Variants in AGK observed in about 807,000 individuals in gnomAD.
AGK encodes the protein acylglycerol kinase.
A neutral mutation model predicts 66.4 loss-of-function variants in AGK; 52 were observed. That is an observed-to-expected ratio of 0.78 (90% CI 0.63 to 0.99). AGK has a LOEUF of 0.99. Ranked by LOEUF, AGK falls within the 50% of genes least tolerant of loss-of-function variation. The pLI is 0.00. For missense variants in AGK, 451 were observed against 506.6 expected, an observed-to-expected ratio of 0.89 and a Z score of 1.05; for synonymous variants, 182 against 181.1, an observed-to-expected ratio of 1.00 and a Z score of -0.04.
chr7:141,574,011 G>A (rs1795675836), intron 2 of AGK, among the ~76,000 whole-genome samples: 1 of 151,836 alleles, frequency 6.6e-6, no homozygotes, highest in South Asian at 2.1e-4. Flanking sequence ...ATATATATTT[G>A]TTTATAATTG....
intron 8 of AGK, among the ~76,000 whole-genome samples, chr7:141,621,035 A>T (rs1401564710): frequency 6.6e-6 from 1 of 152,228 alleles, no homozygotes. Flanking sequence ...AAACTGAGAA[A>T]CATTTGTTCA....
At position 141,635,932 on chromosome 7, in the gene AGK, C is replaced by T. The variant is rs191614420; in HGVS notation, c.669-1028C>T. 3.9e-5 allele frequency among the ~76,000 whole-genome samples: 6 copies of T among 152,204 alleles called. No individual in the cohort carries two copies. The East Asian group carries it at 9.6e-4, about 24-fold the overall frequency. ...TTTATACTTTATATTTCTTCTGTTT[C>T]CTCCGCATTCATAGTGGGTGCTAAA... On this transcript the variant is annotated intron_variant, in intron 10 of 15. Transcript: ENST00000649286.
At chr7:141,635,647 C>T (rs138272269) in intron 10 of AGK, among the ~76,000 whole-genome samples, 1 of 152,092 alleles carries the variant, frequency 6.6e-6, no homozygotes, top group Non-Finnish European at 1.5e-5. Flanking sequence ...TGTATCTTTA[C>T]TTCTAAGCTT....
chr7:141,621,661 T>C, intron 8 of AGK, 71 bp from the exon 9 acceptor site: 1 of 943,216 alleles, frequency 1.1e-6, no homozygotes, highest in Non-Finnish European at 1.8e-6. Flanking sequence ...TGTGCATGAG[T>C]GCATGTGGCA....
chr7:141,584,201 T>A (rs1224614699), intron 2 of AGK, among the ~76,000 whole-genome samples: 1 of 151,894 alleles, frequency 6.6e-6, no homozygotes, highest in Non-Finnish European at 1.5e-5. Context: ...AGTGGAAAAT[T>A]ATAGTCAAAG....
At chr7:141,573,326 T>C (rs1206665479) in intron 2 of AGK, among the ~76,000 whole-genome samples, 2 of 152,190 alleles carry the variant, frequency 1.3e-5, no homozygotes, top group African/African-American at 2.4e-5. Flanking sequence ...TCAACTCTTT[T>C]GTTAGATTAT....
intron 14 of AGK, 65 bp downstream of exon 14, chr7:141,649,398 GC>G: frequency 8.4e-7 from 1 of 1,192,480 alleles, no homozygotes; most frequent in Non-Finnish European, 1.2e-6. Context: ...TATTCAGAGT[GC>G]CCCATGAAGT....
intron 1 of AGK, among the ~76,000 whole-genome samples, 195 bp downstream of exon 1, chr7:141,551,629 C>A (rs1360097584): frequency 6.6e-6 from 1 of 152,082 alleles, no homozygotes; most frequent in African/African-American, 2.4e-5. Flanking sequence ...GTAGGGGGTG[C>A]GGGCCTGGCC....
chr7:141,646,174 G>A (rs1797407693), intron 13 of AGK, among the ~76,000 whole-genome samples: 1 of 152,118 alleles, frequency 6.6e-6, no homozygotes, highest in African/African-American at 2.4e-5. Context: ...AGAGCCCCAT[G>A]GAGAGGAGAG....
At chr7:141,606,018 G>A (rs996410561) in intron 5 of AGK, among the ~76,000 whole-genome samples, 5 of 152,080 alleles carry the variant, frequency 3.3e-5, no homozygotes, top group Admixed American at 2.6e-4. Context: ...AATGTAAGTC[G>A]TACCCAGGTC....
intron 13 of AGK, among the ~76,000 whole-genome samples, chr7:141,645,138 T>C (rs1230273804): frequency 1.3e-5 from 2 of 152,144 alleles, no homozygotes; most frequent in Non-Finnish European, 2.9e-5. Context: ...TAGATCAATT[T>C]GGAGAGAAAT....
chr7:141,563,014 C>T (rs1795382841), intron 2 of AGK, among the ~76,000 whole-genome samples: 1 of 152,200 alleles, frequency 6.6e-6, no homozygotes, highest in African/African-American at 2.4e-5. Flanking sequence ...TTTCAAATTC[C>T]CCAGTGGGGA....
chr7:141,610,008 G>A (rs1031564557), intron 5 of AGK, among the ~76,000 whole-genome samples: 15 of 149,260 alleles, frequency 1.0e-4, no homozygotes, highest in Middle Eastern at 3.5e-3. Flanking sequence ...TTGCTCTGTC[G>A]CCCAGGCTGG....
chr7:141,592,870 A>G (rs776465478), intron 2 of AGK, among the ~76,000 whole-genome samples: 2 of 150,600 alleles, frequency 1.3e-5, no homozygotes, highest in Non-Finnish European at 3.0e-5. Flanking sequence ...TGCCCGGCTA[A>G]TTTTTGTATT....
intron 9 of AGK, among the ~76,000 whole-genome samples, chr7:141,624,837 A>G (rs1208336232): frequency 6.6e-6 from 1 of 152,214 alleles, no homozygotes; most frequent in Non-Finnish European, 1.5e-5. Flanking sequence ...ACTGACTCCA[A>G]CTTTGAGAGA....
chr7:141,567,485 A>C (rs1398164801), intron 2 of AGK, among the ~76,000 whole-genome samples: 1 of 151,322 alleles, frequency 6.6e-6, no homozygotes, highest in Non-Finnish European at 1.5e-5. Flanking sequence ...CCTTCCCCCA[A>C]GTTTCAAAGA....
intron 6 of AGK, among the ~76,000 whole-genome samples, chr7:141,612,616 G>A (rs115612528): frequency 0.01 from 1,524 of 152,192 alleles, 26 homozygotes; most frequent in African/African-American, 0.035. Context: ...GATAATGGGC[G>A]GAAGGTTCAC....
intron 2 of AGK, among the ~76,000 whole-genome samples, chr7:141,591,294 T>C (rs1021593648): frequency 2.0e-5 from 3 of 151,940 alleles, no homozygotes; most frequent in Non-Finnish European, 4.4e-5. Context: ...GGTCTCACCA[T>C]GTTGGCCAGG....
chr7:141,563,166 G>A (rs950257145), intron 2 of AGK, among the ~76,000 whole-genome samples: 1 of 152,140 alleles, frequency 6.6e-6, no homozygotes, highest in Non-Finnish European at 1.5e-5. Flanking sequence ...TTCCTGTGGT[G>A]GTTCTTGGAA....
Sources: allele counts gnomAD v4.1 joint callset (sites outside exome capture counted in the v4.1 genomes callset), GRCh38; gene constraint gnomAD v4.1.1; transcripts MANE v1.5; gene names NCBI Gene and HGNC (gene_info 2026-07-23, HGNC 2026-07-21).